The following SLC5A11 variants were observed in gnomAD, a reference collection of about 807,000 sequenced individuals.
SLC5A11 encodes the protein sodium/myo-inositol cotransporter 2.
A neutral mutation model predicts 69.8 loss-of-function variants in SLC5A11; 48 were observed. The observed-to-expected ratio is 0.69, with a 90% CI of 0.55 to 0.87. SLC5A11 has a LOEUF of 0.87. Ranked by LOEUF, SLC5A11 falls within the 40% of genes least tolerant of loss-of-function variation. SLC5A11 has a pLI of 0.00. For synonymous variants in SLC5A11, 319 were observed against 342.4 expected (o/e 0.93, Z 0.75); for missense variants, 784 against 866.1 (o/e 0.91, Z 1.19).
chr16:24,909,005 A>C (rs758237172), exon 14 of SLC5A11: 1 of 1,614,052 alleles, frequency 6.2e-7, no homozygotes, highest in East Asian at 2.2e-5. Context: ...AAGAGCATTC[A>C]CTACCTCTAC....
intron 10 of SLC5A11, among the ~76,000 whole-genome samples, chr16:24,905,668 A>ACACT (rs2050008439): frequency 6.6e-6 from 1 of 151,752 alleles, no homozygotes; most frequent in Non-Finnish European, 1.5e-5. Context: ...ACACACACAC[A>ACACT]CACACACACA....
chr16:24,869,530 T>C (rs2047140565), intron 3 of SLC5A11, among the ~76,000 whole-genome samples: 1 of 152,226 alleles, frequency 6.6e-6, no homozygotes, highest in Non-Finnish European at 1.5e-5. Context: ...ACAGGCTTCC[T>C]GATTCTCATC....
intron 4 of SLC5A11, 66 bp downstream of exon 5, chr16:24,870,071 A>G: frequency 8.6e-7 from 1 of 1,160,558 alleles, no homozygotes; most frequent in South Asian, 1.3e-5. Flanking sequence ...CTCAGGGGAA[A>G]GTTGTGTGAA....
At chr16:24,890,483 C>CAAAAAAAAAA (rs1171814653) in intron 8 of SLC5A11, among the ~76,000 whole-genome samples, 8 of 77,524 alleles carry the variant, frequency 1.0e-4, no homozygotes, top group African/African-American at 3.7e-4. Context: ...GACTTCATAT[C>CAAAAAAAAAA]AAAAAAAAAA....
intron 8 of SLC5A11, among the ~76,000 whole-genome samples, chr16:24,888,184 A>C (rs1396566408): frequency 1.3e-5 from 2 of 152,162 alleles, no homozygotes; most frequent in African/African-American, 2.4e-5. Context: ...ATATTATCTT[A>C]CTCATATACA....
At chr16:24,877,232 C>A in intron 6 of SLC5A11, 26 bp from the exon 8 acceptor site, 1 of 1,610,470 alleles carries the variant, frequency 6.2e-7, no homozygotes, top group South Asian at 1.1e-5. Flanking sequence ...TTCATTTGTT[C>A]ATCCATCAAC....
chr16:24,896,005 TGA>T (rs2049135824), intron 9 of SLC5A11, among the ~76,000 whole-genome samples: 2 of 151,954 alleles, frequency 1.3e-5, no homozygotes, highest in Admixed American at 1.3e-4. Context: ...GATGATTTAG[TGA>T]GGACTCATTT....
At chr16:24,874,694 C>T (rs1036788933) in intron 5 of SLC5A11, among the ~76,000 whole-genome samples, 8 of 152,098 alleles carry the variant, frequency 5.3e-5, no homozygotes, top group Non-Finnish European at 1.5e-5. Context: ...ACTCCGTCCC[C>T]CACCACACAC....
In SLC5A11 at chr16:24,898,124, G is replaced by C; in HGVS notation, c.1006+15G>C. Reference sequence around the variant, plus strand: ...CCTCTTCCCAGGTGAGAACACAGCTGGGGGAAGAGGTCATTGGTATGTGAG... The same window carrying C: ...CCTCTTCCCAGGTGAGAACACAGCTCGGGGAAGAGGTCATTGGTATGTGAG... On this transcript the variant is annotated intron_variant, in intron 10 of 15. Coordinates refer to ENST00000347898, the Ensembl canonical transcript of SLC5A11. The C allele has an allele frequency of 1.2e-6, 2 of 1,612,602 alleles. No homozygotes were observed. Among genetic ancestry groups the C allele is most frequent in the Non-Finnish European group, 1.7e-6 (2 of 1,179,672 alleles).
chr16:24,911,620 A>G (rs938097349), exon 16 of SLC5A11: 3 of 1,323,638 alleles, frequency 2.3e-6, no homozygotes, highest in Non-Finnish European at 3.2e-6. Context: ...GCTTTTGTTT[A>G]CCACAAGGCT....
At chr16:24,875,838 T>A in intron 6 of SLC5A11, 107 bp downstream of exon 7, 1 of 893,026 alleles carries the variant, frequency 1.1e-6, no homozygotes, top group East Asian at 2.7e-5. Flanking sequence ...TCCTCGTCTT[T>A]CATAGGCTGC....
intron 3 of SLC5A11, among the ~76,000 whole-genome samples, chr16:24,868,941 C>T (rs1230490550): frequency 1.3e-5 from 2 of 150,478 alleles, no homozygotes; most frequent in Admixed American, 6.6e-5. Flanking sequence ...AATCTCGGCT[C>T]GTTGCAACCT....
At chr16:24,883,113 C>T (rs928347842) in intron 7 of SLC5A11, among the ~76,000 whole-genome samples, 1 of 152,114 alleles carries the variant, frequency 6.6e-6, no homozygotes, top group Non-Finnish European at 1.5e-5. Context: ...ACCCGTAATC[C>T]CAGCACCTTG....
At chr16:24,859,876 G>T (rs148566746) in intron 2 of SLC5A11, among the ~76,000 whole-genome samples, 5 of 152,168 alleles carry the variant, frequency 3.3e-5, no homozygotes, top group African/African-American at 1.2e-4. Context: ...CTGGCCCAGC[G>T]CAGTGGCTCA....
At chr16:24,889,401 G>A (rs1441937978) in intron 8 of SLC5A11, among the ~76,000 whole-genome samples, 5 of 152,042 alleles carry the variant, frequency 3.3e-5, no homozygotes, top group Non-Finnish European at 5.9e-5. Context: ...AGGATAGCTT[G>A]AGCCCAGGAG....
At chr16:24,887,730 T>A (rs990121981) in intron 8 of SLC5A11, among the ~76,000 whole-genome samples, 1 of 152,204 alleles carries the variant, frequency 6.6e-6, no homozygotes, top group African/African-American at 2.4e-5. Flanking sequence ...TCTGTTTTTC[T>A]CTTCCTTAGC....
chr16:24,860,125 A>C (rs1158994549), intron 2 of SLC5A11, among the ~76,000 whole-genome samples: 3 of 152,170 alleles, frequency 2.0e-5, no homozygotes, highest in African/African-American at 7.2e-5. Flanking sequence ...ATCACTATTA[A>C]AAATACAAAA....
intron 12 of SLC5A11, 34 bp downstream of exon 13, chr16:24,907,209 G>A (rs34774948): frequency 0.086 from 138,071 of 1,610,156 alleles, 7,451 homozygotes; most frequent in Admixed American, 0.25. Flanking sequence ...GGGGCAGGGG[G>A]AAGAGAGAGC....
intron 1 of SLC5A11, among the ~76,000 whole-genome samples, chr16:24,851,192 G>T (rs2059289496): frequency 6.6e-6 from 1 of 151,856 alleles, no homozygotes; most frequent in Admixed American, 6.6e-5. Flanking sequence ...ATGCAGTGGT[G>T]CAATCATAGC....
Sources: allele counts gnomAD v4.1 joint callset (sites outside exome capture counted in the v4.1 genomes callset), GRCh38; gene constraint gnomAD v4.1.1; transcripts MANE v1.5; gene names NCBI Gene and HGNC (gene_info 2026-07-23, HGNC 2026-07-21).